UBAC1: variants seen among roughly 807,000 people sequenced by gnomAD.
UBAC1 encodes ubiquitin-associated domain-containing protein 1.
UBAC1 carries 27 observed loss-of-function variants against 45.9 expected under a neutral mutation model. The ratio of observed to expected loss-of-function variants is 0.59; its 90% CI spans 0.43 to 0.81. UBAC1 has a LOEUF of 0.81. UBAC1 is among the 30% of genes least tolerant of loss of function. UBAC1 has a pLI of 0.00. For synonymous variants in UBAC1, 227 were observed against 215.5 expected (o/e 1.05, Z -0.47); for missense variants, 529 against 539.2 (o/e 0.98, Z 0.19).
chr9:135,958,838 T>C (rs1051937332), intron 1 of UBAC1, among the ~76,000 whole-genome samples: 1 of 152,216 alleles, frequency 6.6e-6, no homozygotes, highest in Non-Finnish European at 1.5e-5. Flanking sequence ...AGTCCTGAAA[T>C]GTATGTCGGC....
In UBAC1 at chr9:135,961,233, G is replaced by C. The variant is rs1390399277; in HGVS notation, c.-71C>G. 2 of 1,404,892 alleles carry C rather than the reference G, an allele frequency of 1.4e-6. No homozygotes were observed. Among genetic ancestry groups the C allele is most frequent in the African/African-American group, 3.1e-5 (2 of 64,642 alleles). The allele number at this position is 1,404,892 out of a possible 1,614,324, so 87.0% of individuals were successfully genotyped here. On this transcript the variant is annotated 5_prime_UTR_variant, in exon 1 of 10. Transcript: ENST00000371756. ...AGGTCACCGGGAAGGCGGGCGGGGA[G>C]GGGGCGGGGCCAGACCGCCCGCGCG...
At chr9:135,946,497 C>G (rs1197329757) in intron 4 of UBAC1, 126 bp from the exon 5 acceptor site, 5 of 676,572 alleles carry the variant, frequency 7.4e-6, no homozygotes, top group Non-Finnish European at 1.3e-5. Context: ...TCTTGCAAGA[C>G]AGCAGGATCA....
rs533034390 is a variant in UBAC1, at chr9:135,944,524, G to A, written c.876+504C>T. On this transcript the variant is annotated intron_variant, in intron 7 of 9. Transcript: ENST00000371756. The stretch of plus-strand genomic sequence containing the variant: ...AAGAATGGGGAGATGAGGCGCGGGC[G>A]AGGAAGGTCCACACACACAGGCGCA... Among the ~76,000 whole-genome samples, 89 of 152,196 alleles carry A rather than the reference G, an allele frequency of 5.8e-4. 1 individual carries two copies. The highest frequency in any genetic ancestry group is 1.5e-4 in the Non-Finnish European group (10 of 68,022).
chr9:135,938,445 G>T, intron 8 of UBAC1, 85 bp from the exon 9 acceptor site: 4 of 1,513,152 alleles, frequency 2.6e-6, no homozygotes, highest in Non-Finnish European at 3.5e-6. Flanking sequence ...GACAGCTCCT[G>T]CACCTTTCTG....
chr9:135,935,189 G>A (rs1388250905), intron 9 of UBAC1, among the ~76,000 whole-genome samples: 2 of 152,126 alleles, frequency 1.3e-5, no homozygotes, highest in Non-Finnish European at 2.9e-5. Context: ...GAGCCACCAT[G>A]CCCAACCTGA....
At chr9:135,954,140 A>C (rs1839438510) in intron 2 of UBAC1, among the ~76,000 whole-genome samples, 1 of 147,012 alleles carries the variant, frequency 6.8e-6, no homozygotes, top group Non-Finnish European at 1.5e-5. Flanking sequence ...CTTCATCTTA[A>C]AAAAAAAAAA....
chr9:135,953,610 A>G, intron 3 of UBAC1, 70 bp downstream of exon 3: 8 of 1,390,258 alleles, frequency 5.8e-6, no homozygotes, highest in Non-Finnish European at 8.0e-6. Flanking sequence ...GAGCCACTGT[A>G]CCCAGCCTGT....
intron 1 of UBAC1, among the ~76,000 whole-genome samples, chr9:135,960,059 G>A (rs1166768706): frequency 6.6e-6 from 1 of 152,198 alleles, no homozygotes; most frequent in African/African-American, 2.4e-5. Context: ...TATCCTTAGA[G>A]ACCACACTCA....
At chr9:135,950,450 T>C (rs1461163932) in intron 3 of UBAC1, among the ~76,000 whole-genome samples, 1 of 152,222 alleles carries the variant, frequency 6.6e-6, no homozygotes, top group African/African-American at 2.4e-5. Context: ...CCAGAAGCTT[T>C]ATCGGCTCTG....
rs531821727 is a variant in UBAC1, at chr9:135,959,589, G to A, written c.138+1436C>T. Among the ~76,000 whole-genome samples, 7 of 152,130 alleles carry A rather than the reference G, an allele frequency of 4.6e-5. No homozygotes were observed. In the South Asian group the frequency reaches 1.5e-3, roughly 32 times the overall value. On this transcript the variant is annotated intron_variant, in intron 1 of 9. Transcript: ENST00000371756. ...GGGGTTTCACCATGTTGGCCAAGAT[G>A]GCCTCAATCTCCTGACCTCATAATC...
intron 3 of UBAC1, among the ~76,000 whole-genome samples, chr9:135,950,571 A>T (rs113903506): frequency 3.2e-4 from 48 of 152,206 alleles, no homozygotes; most frequent in African/African-American, 1.1e-3. Context: ...AGAAGGATAG[A>T]TAATCTTAAT....
chr9:135,936,499 CT>C (rs202151720), intron 9 of UBAC1, among the ~76,000 whole-genome samples: 144 of 141,710 alleles, frequency 1.0e-3, no homozygotes, highest in Middle Eastern at 3.6e-3. Flanking sequence ...TTTCCTTTTT[CT>C]TTTTTTTTTT....
intron 1 of UBAC1, among the ~76,000 whole-genome samples, chr9:135,958,595 G>GA (rs1839494993): frequency 6.6e-6 from 1 of 152,192 alleles, no homozygotes; most frequent in South Asian, 2.1e-4. Flanking sequence ...AAAGAGGAAG[G>GA]AAAAAATCAT....
rs564383445 is a variant in UBAC1, at chr9:135,947,734, C to T, written c.441+64G>A. On this transcript the variant is annotated intron_variant, in intron 4 of 9. Coordinates refer to ENST00000371756, the MANE Select transcript of UBAC1 (RefSeq NM_016172.3). ...CTTGCTGCCCCGCCCCGCAGGAACC[C>T]CCCCACAGCAATCCCCCACACGGGG... 7.0e-4 allele frequency: 968 copies of T among 1,389,830 alleles called. 3 individuals carry two copies. The African/African-American group carries it at 0.012, about 18-fold the overall frequency. 86.1% of individuals were successfully genotyped at this position (1,389,830 alleles called of 1,614,324 possible).
intron 7 of UBAC1, among the ~76,000 whole-genome samples, chr9:135,941,204 G>C (rs923054106): frequency 6.6e-6 from 1 of 152,154 alleles, no homozygotes; most frequent in African/African-American, 2.4e-5. Flanking sequence ...TCAGGAGTTT[G>C]AGACCAGCCT....
chr9:135,942,684 C>G (rs1284878351), intron 7 of UBAC1, among the ~76,000 whole-genome samples: 1 of 151,016 alleles, frequency 6.6e-6, no homozygotes, highest in African/African-American at 2.4e-5. Context: ...CTTTTACATG[C>G]AGAGCTAACC....
rs969244355 is a variant in UBAC1, at chr9:135,943,469, G to A, written c.876+1559C>T. Among the ~76,000 whole-genome samples, 5 of 152,338 alleles carry A rather than the reference G, an allele frequency of 3.3e-5. No homozygotes were observed. The East Asian group carries it at 9.6e-4, about 29-fold the overall frequency. ...AAGTCAAGAAACAACAGCTGCTGGT[G>A]AGGCTGTGGAGAAATAGGAACGCTT... is the stretch of plus-strand genomic sequence containing the variant. On this transcript the variant is annotated intron_variant, in intron 7 of 9. Coordinates refer to ENST00000371756, the MANE Select transcript of UBAC1 (RefSeq NM_016172.3).
intron 9 of UBAC1, 30 bp downstream of exon 9, chr9:135,938,192 C>A (rs757839358): frequency 5.6e-6 from 9 of 1,609,186 alleles, no homozygotes; most frequent in East Asian, 2.2e-5. Context: ...CTCCCCGACC[C>A]GAGACTTAGC....
At chr9:135,955,143 G>C (rs1367768443) in intron 2 of UBAC1, 152 bp downstream of exon 2, 1 of 822,606 alleles carries the variant, frequency 1.2e-6, no homozygotes, top group Non-Finnish European at 1.7e-6. Context: ...TTTTAATAAA[G>C]GAAAAACAGA....
Sources: gnomAD v4.1 joint callset for allele counts (sites outside exome capture counted in the v4.1 genomes callset) on GRCh38, gnomAD v4.1.1 for gene constraint, MANE v1.5 for transcripts, NCBI Gene and HGNC (gene_info 2026-07-23, HGNC 2026-07-21) for gene names.